Variants in TMEM143 observed in about 807,000 individuals in gnomAD.
The protein encoded by TMEM143 is transmembrane protein 143.
In TMEM143, 45 loss-of-function variants were observed where a neutral mutation model predicts 40.3. The ratio of observed to expected loss-of-function variants is 1.12; its 90% CI spans 0.88 to 1.43. TMEM143 has a LOEUF of 1.43. Among genes scored for constraint, TMEM143 ranks in the 40% most tolerant of loss-of-function variants. TMEM143 has a pLI of 0.00. For missense variants in TMEM143, 620 were observed against 613.4 expected (o/e 1.01, Z -0.11); for synonymous variants, 299 against 282.7 (o/e 1.06, Z -0.58).
chr19:48,336,430 C>A (rs62131984), intron 6 of TMEM143, among the ~76,000 whole-genome samples: 2 of 151,898 alleles, frequency 1.3e-5, no homozygotes. Flanking sequence ...GAGGCTGAGG[C>A]AGGAGAGTCG....
chr19:48,360,046 C>A, intron 3 of TMEM143, 26 bp downstream of exon 3: 1 of 1,608,244 alleles, frequency 6.2e-7, no homozygotes, highest in Non-Finnish European at 8.5e-7. Context: ...ACAAGCACCA[C>A]AGGGCTGGAA....
At position 48,333,197 on chromosome 19, in the gene TMEM143, T is replaced by C. The variant is rs1490921970; in HGVS notation, c.*22A>G. On this transcript the variant is annotated 3_prime_UTR_variant, in exon 8 of 8. Transcript: ENST00000293261. This position sits in a 1 kb window ranked among gnomAD's most constrained non-coding sequence, Gnocchi z 4.1. ...GGGGCTTAGTTCCTAGCCTGCTGAC[T>C]GGGCAGGGAGGTAGGTTCTACTCAG... 2 of 1,412,546 alleles carry C rather than the reference T, an allele frequency of 1.4e-6. No individual in the cohort carries two copies. The highest frequency in any genetic ancestry group is 1.9e-6 in the Non-Finnish European group (2 of 1,067,840). The allele number at this position is 1,412,546 out of a possible 1,614,324, so 87.5% of individuals were successfully genotyped here.
intron 3 of TMEM143, among the ~76,000 whole-genome samples, chr19:48,348,981 G>C (rs188625141): frequency 4.5e-4 from 69 of 152,062 alleles, no homozygotes; most frequent in Admixed American, 8.5e-4. Context: ...TTTGAAACCA[G>C]CCTGGGCAAC....
At chr19:48,339,293 T>C (rs8108099) in intron 6 of TMEM143, among the ~76,000 whole-genome samples, 60 of 152,262 alleles carry the variant, frequency 3.9e-4, no homozygotes, top group African/African-American at 1.4e-3. Context: ...ACGCTGTGCT[T>C]GGCCTACAGT....
intron 1 of TMEM143, 182 bp downstream of exon 1, chr19:48,363,715 AG>A: frequency 1.1e-5 from 15 of 1,346,900 alleles, no homozygotes; most frequent in Non-Finnish European, 1.5e-5. Flanking sequence ...GGTCCCAGAC[AG>A]GGGTCAGAGG....
At position 48,334,038 on chromosome 19, in the gene TMEM143, G is replaced by A. The variant is rs760332405; in HGVS notation, c.1135C>T (p.Arg379Trp). 2.6e-6 allele frequency: 4 copies of A among 1,567,074 alleles called. No individual in the cohort carries two copies. In the African/African-American group the frequency reaches 4.1e-5, roughly 16 times the overall value. The change falls in exon 7 of 8, where the codon CGG becomes TGG. Residue 379 changes from arginine to tryptophan, a missense_variant. Physicochemically the swap from Arg to Trp is moderately radical, Grantham distance 101. Transcript: ENST00000293261. ...ALLAHSFLAR[R>W]PGGTQGSPEE... is the part of the protein sequence containing the mutation. ...GGCGAGCCTTGAGTGCCCCCTGGCC[G>A]CCGGGCCAGGAAGCTGTGAGCCAGC...
Position 48,348,040 on chromosome 19 carries a change from A to G in TMEM143, c.370-2686T>C, listed in dbSNP as rs1969683388. On this transcript the variant is annotated intron_variant, in intron 3 of 7. Coordinates refer to ENST00000293261, the MANE Select transcript of TMEM143 (RefSeq NM_018273.4). The stretch of plus-strand genomic sequence containing the variant: ...GACCCTGTCTCAAAAAAAAAAAAAA[A>G]GAAAAAGAGAAAGAGTCAAGCCAAG... 3.6e-5 allele frequency among the ~76,000 whole-genome samples: 5 copies of G among 137,832 alleles called. No individual in the cohort carries two copies. In the South Asian group the frequency reaches 1.1e-3, roughly 30 times the overall value. 90.4% of individuals were successfully genotyped at this position (137,832 alleles called of 152,430 possible). A position where few individuals can be genotyped will look rare whatever the true frequency, so the allele number is the denominator to read the frequency against.
intron 3 of TMEM143, among the ~76,000 whole-genome samples, chr19:48,354,134 T>A (rs973850329): frequency 6.6e-5 from 10 of 151,572 alleles, no homozygotes; most frequent in African/African-American, 2.4e-4. Flanking sequence ...AATTTTTGTA[T>A]TTTTAGTAGA....
chr19:48,354,008 G>T (rs1322470258), intron 3 of TMEM143, among the ~76,000 whole-genome samples: 1 of 151,896 alleles, frequency 6.6e-6, no homozygotes, highest in Non-Finnish European at 1.5e-5. Context: ...GCCCAGACTG[G>T]AGTGCAGTGG....
At chr19:48,342,459 G>C (rs1969517070) in intron 6 of TMEM143, 71 bp downstream of exon 6, 1 of 1,494,886 alleles carries the variant, frequency 6.7e-7, no homozygotes, top group African/African-American at 1.4e-5. Context: ...ATGAAACAGA[G>C]ACAACTACAG....
At position 48,363,363 on chromosome 19, in the gene TMEM143, G is replaced by T; in HGVS notation, c.192C>A (p.Arg64=). 1 of 1,614,218 alleles carries T rather than the reference G, an allele frequency of 6.2e-7. No homozygotes were observed. Among genetic ancestry groups the T allele is most frequent in the Non-Finnish European group, 8.5e-7 (1 of 1,180,034 alleles). ...GCTCGCGGTACTGCTGGGCCCAGTC[G>T]CGGGGCTCCCTGGGGTTCCACATCT... ...YRKMWNPREP[R]DWAQQYRERF... The change falls in exon 2 of 8, where the codon CGC becomes CGA. Residue 64 remains arginine, a synonymous_variant. Transcript: ENST00000293261.
At chr19:48,334,585 CTTT>C (rs200299138) in intron 6 of TMEM143, among the ~76,000 whole-genome samples, 1 of 104,572 alleles carries the variant, frequency 9.6e-6, no homozygotes, top group Non-Finnish European at 1.9e-5. Flanking sequence ...CTTTTCTTTC[CTTT>C]TTTTTTTTTT....
intron 2 of TMEM143, among the ~76,000 whole-genome samples, chr19:48,362,773 A>T (rs923490797): frequency 3.9e-5 from 6 of 152,124 alleles, no homozygotes; most frequent in Non-Finnish European, 8.8e-5. Context: ...AATCTAAGCC[A>T]CTATGTTGTG....
At chr19:48,363,598 G>T (rs1569041208) in intron 1 of TMEM143, 67 bp from the exon 2 acceptor site, 2 of 1,528,760 alleles carry the variant, frequency 1.3e-6, no homozygotes, top group Non-Finnish European at 1.8e-6. Context: ...CCACCTCCAC[G>T]TCCCACCCTC....
intron 5 of TMEM143, 104 bp downstream of exon 5, chr19:48,343,217 C>T: frequency 7.0e-7 from 1 of 1,428,860 alleles, no homozygotes; most frequent in Non-Finnish European, 9.3e-7. Context: ...TCTCAACTTC[C>T]CGCCTGGGGC....
In TMEM143 at chr19:48,363,532, C is replaced by T; in HGVS notation, c.24-1G>A. 2.5e-6 allele frequency: 4 copies of T among 1,598,184 alleles called. No individual in the cohort carries two copies. Among genetic ancestry groups the T allele is most frequent in the South Asian group, 2.2e-5 (2 of 90,102 alleles). ...CATGGCTAGACCCTTTCCCCGGAGC[C>T]TAAACAGAGGAAAATGGGCAGGGGT... On this transcript the variant is annotated splice_acceptor_variant, in intron 1 of 7. Coordinates refer to ENST00000293261, the MANE Select transcript of TMEM143 (RefSeq NM_018273.4). LOFTEE classifies it high-confidence loss of function.
chr19:48,334,731 T>C (rs1018386381), intron 6 of TMEM143, among the ~76,000 whole-genome samples: 1 of 152,020 alleles, frequency 6.6e-6, no homozygotes, highest in African/African-American at 2.4e-5. Flanking sequence ...TAGCTGGGAC[T>C]ACAGGTGTGC....
Sources: gnomAD v4.1 joint callset for allele counts (sites outside exome capture counted in the v4.1 genomes callset) on GRCh38, gnomAD v4.1.1 for gene constraint, Gnocchi (gnomAD v3.1) non-coding constraint, MANE v1.5 for transcripts, NCBI Gene and HGNC (gene_info 2026-07-23, HGNC 2026-07-21) for gene names.